IPCEF1: variants seen among roughly 807,000 people sequenced by gnomAD.
IPCEF1 encodes interaction protein for cytohesin exchange factors 1.
IPCEF1 carries 31 observed loss-of-function variants against 50.9 expected under a neutral mutation model. That is an observed-to-expected ratio of 0.61 (90% CI 0.46 to 0.82). The LOEUF (loss-of-function observed/expected upper bound fraction) is 0.82, where lower values mean the gene tolerates loss of function less well. Among genes scored for constraint, IPCEF1 ranks in the 40% least tolerant of loss-of-function variants. The pLI, the probability that IPCEF1 is intolerant of heterozygous loss-of-function variation, is 0.00. For synonymous variants in IPCEF1, 181 were observed against 192.0 expected (o/e 0.94, Z 0.47); for missense variants, 458 against 514.0 (o/e 0.89, Z 1.05).
At position 154,223,266 on chromosome 6, in the gene IPCEF1, A is replaced by G. The variant is rs376577920; in HGVS notation, c.247-23T>C. ...TGCCTGAAACAAATATATACCACAA[A>G]TAGGAATGAATGCATCAATCCTGGG... On this transcript the variant is annotated intron_variant, in intron 5 of 11. Coordinates refer to ENST00000367220, the MANE Select transcript of IPCEF1 (RefSeq NM_001130700.2). 223 of 1,554,638 alleles carry G rather than the reference A, an allele frequency of 1.4e-4. 1 individual carries two copies. The highest frequency in any genetic ancestry group is 1.9e-4 in the Non-Finnish European group (219 of 1,130,218).
intron 10 of IPCEF1, among the ~76,000 whole-genome samples, chr6:154,192,318 CTGTGTGTGTGTGTG>C (rs56231733): frequency 3.6e-4 from 54 of 148,132 alleles, no homozygotes; most frequent in African/African-American, 1.2e-3. Context: ...CACGTGGTTA[CTGTGTGTGTGTGTG>C]TGTGTGTGTG....
chr6:154,242,911 G>A (rs940600467), intron 5 of IPCEF1, among the ~76,000 whole-genome samples: 1 of 151,834 alleles, frequency 6.6e-6, no homozygotes, highest in African/African-American at 2.4e-5. Flanking sequence ...GAAAAGTATA[G>A]GCCACTCAGG....
intron 2 of IPCEF1, among the ~76,000 whole-genome samples, chr6:154,279,903 A>C (rs1782163690): frequency 6.6e-6 from 1 of 152,238 alleles, no homozygotes; most frequent in African/African-American, 2.4e-5. Flanking sequence ...GCCAATATAC[A>C]TAGGAGAGAC....
chr6:154,328,508 G>T (rs1783578094), intron 1 of IPCEF1, among the ~76,000 whole-genome samples: 1 of 151,744 alleles, frequency 6.6e-6, no homozygotes, highest in South Asian at 2.1e-4. Flanking sequence ...GGGAGGCTAA[G>T]ACAGGCAGAT....
At chr6:154,244,385 C>T (rs1477758498) in intron 5 of IPCEF1, among the ~76,000 whole-genome samples, 1 of 151,314 alleles carries the variant, frequency 6.6e-6, no homozygotes, top group Non-Finnish European at 1.5e-5. Flanking sequence ...GTTTTATAAC[C>T]ATTAGTTTGC....
intron 9 of IPCEF1, among the ~76,000 whole-genome samples, chr6:154,201,166 C>T (rs1234799573): frequency 1.3e-5 from 2 of 152,274 alleles, no homozygotes; most frequent in East Asian, 3.9e-4. Context: ...AACTGTGAGT[C>T]AATTAAAATC....
At chr6:154,307,066 G>C (rs1005702048) in intron 1 of IPCEF1, among the ~76,000 whole-genome samples, 2 of 152,052 alleles carry the variant, frequency 1.3e-5, no homozygotes, top group Admixed American at 1.3e-4. Flanking sequence ...TGGTTTTAGG[G>C]CCCATACTAA....
At chr6:154,301,958 T>C (rs961683662) in intron 1 of IPCEF1, among the ~76,000 whole-genome samples, 1 of 152,232 alleles carries the variant, frequency 6.6e-6, no homozygotes, top group Non-Finnish European at 1.5e-5. Flanking sequence ...TTACGATGTG[T>C]TGGTTATGAC....
rs1199512489 is a variant in IPCEF1, at chr6:154,180,409, TATA to T, written c.911-12299_911-12297del. ...AACTATATATATATATATATATATA[TATA>T]TATTTTTTTTTTAAACATGATCCTT... On this transcript the variant is annotated intron_variant, in intron 10 of 11. Transcript: ENST00000367220. 6.0e-3 allele frequency among the ~76,000 whole-genome samples: 276 copies of T among 45,852 alleles called. 2 individuals are homozygous for T. Among genetic ancestry groups the T allele is most frequent in the African/African-American group, 0.015 (264 of 17,558 alleles). 30.1% of individuals were successfully genotyped at this position (45,852 alleles called of 152,430 possible).
chr6:154,177,528 A>T (rs933008622), intron 10 of IPCEF1, among the ~76,000 whole-genome samples: 2 of 152,274 alleles, frequency 1.3e-5, no homozygotes, highest in Admixed American at 6.5e-5. Flanking sequence ...GCCAACAGAC[A>T]TATGAAAAAA....
At chr6:154,197,401 C>CA (rs1776702418) in intron 10 of IPCEF1, among the ~76,000 whole-genome samples, 1 of 152,052 alleles carries the variant, frequency 6.6e-6, no homozygotes, top group Non-Finnish European at 1.5e-5. Context: ...GGAATTTAAC[C>CA]AAATCCCCAG....
chr6:154,202,092 G>A (rs913957123), intron 9 of IPCEF1, among the ~76,000 whole-genome samples: 2 of 152,202 alleles, frequency 1.3e-5, no homozygotes, highest in Non-Finnish European at 2.9e-5. Context: ...GATGGGAGAA[G>A]CCAATATTTA....
chr6:154,301,961 G>A (rs780125812), intron 1 of IPCEF1, among the ~76,000 whole-genome samples: 1 of 152,154 alleles, frequency 6.6e-6, no homozygotes, highest in Non-Finnish European at 1.5e-5. Context: ...CGATGTGTTG[G>A]TTATGACATC....
intron 9 of IPCEF1, among the ~76,000 whole-genome samples, chr6:154,201,183 CT>C (rs1777041068): frequency 6.6e-6 from 1 of 152,158 alleles, no homozygotes; most frequent in Non-Finnish European, 1.5e-5. Context: ...AATCTCTTTT[CT>C]TTATAAATTA....
intron 11 of IPCEF1, among the ~76,000 whole-genome samples, chr6:154,160,904 C>G (rs916554286): frequency 1.3e-5 from 2 of 152,196 alleles, no homozygotes. Flanking sequence ...ATGCCCACTT[C>G]AACTCCACCT....
At chr6:154,265,987 A>C in intron 2 of IPCEF1, 23 bp from the exon 3 acceptor site, 1 of 1,442,162 alleles carries the variant, frequency 6.9e-7, no homozygotes, top group Middle Eastern at 1.8e-4. Context: ...AAATGTTTTC[A>C]GTTAAATGTG....
intron 1 of IPCEF1, among the ~76,000 whole-genome samples, chr6:154,355,453 T>C (rs931386801): frequency 2.0e-5 from 3 of 151,892 alleles, no homozygotes; most frequent in Non-Finnish European, 2.9e-5. Context: ...CAGAAAGAAA[T>C]GTGTGTTCTT....
chr6:154,227,197 C>T (rs1011908760), intron 5 of IPCEF1, among the ~76,000 whole-genome samples: 2 of 151,740 alleles, frequency 1.3e-5, no homozygotes, highest in Admixed American at 1.3e-4. Context: ...GAGCAAGATT[C>T]TGTCTCAAAA....
chr6:154,341,892 C>T (rs556350843), intron 1 of IPCEF1, among the ~76,000 whole-genome samples: 1 of 152,246 alleles, frequency 6.6e-6, no homozygotes, highest in South Asian at 2.1e-4. Flanking sequence ...AAGCCTTGAA[C>T]TGCTGCCTGA....
Sources: gnomAD v4.1 joint callset for allele counts (sites outside exome capture counted in the v4.1 genomes callset) on GRCh38, gnomAD v4.1.1 for gene constraint, MANE v1.5 for transcripts, NCBI Gene and HGNC (gene_info 2026-07-23, HGNC 2026-07-21) for gene names.